The following BLK variants were observed in gnomAD, a reference collection of about 807,000 sequenced individuals.
The protein encoded by BLK is BLK proto-oncogene, Src family tyrosine kinase.
A neutral mutation model predicts 61.8 loss-of-function variants in BLK; 64 were observed. That is an observed-to-expected ratio of 1.03 (90% CI 0.85 to 1.27). The LOEUF (loss-of-function observed/expected upper bound fraction) is 1.27. Among genes scored for constraint, BLK ranks in the 50% most tolerant of loss-of-function variants. The pLI is 0.00. For missense variants in BLK, 853 were observed against 660.5 expected, an observed-to-expected ratio of 1.29 and a Z score of -3.19; for synonymous variants, 351 against 272.0, an observed-to-expected ratio of 1.29 and a Z score of -2.86.
chr8:11,544,052 T>G (rs1171504610), intron 2 of BLK, among the ~76,000 whole-genome samples: 1 of 151,654 alleles, frequency 6.6e-6, no homozygotes, highest in Non-Finnish European at 1.5e-5. Context: ...AACCTCTGCC[T>G]CCTGGATTCA....
intron 1 of BLK, among the ~76,000 whole-genome samples, chr8:11,506,888 G>A (rs77509145): frequency 0.022 from 3,392 of 152,300 alleles, 125 homozygotes; most frequent in African/African-American, 0.078. Flanking sequence ...GACTCAACAA[G>A]ATCTCTCAGT....
chr8:11,525,679 G>T (rs958024586), intron 1 of BLK, among the ~76,000 whole-genome samples: 2 of 152,176 alleles, frequency 1.3e-5, no homozygotes, highest in South Asian at 2.1e-4. Flanking sequence ...AAACTCAAAA[G>T]TTCGCCTTCC....
chr8:11,556,593 T>C, intron 8 of BLK, 65 bp from the exon 9 acceptor site: 1 of 1,606,636 alleles, frequency 6.2e-7, no homozygotes, highest in Admixed American at 1.7e-5. Context: ...CCGATTTTGG[T>C]TAAGGGATCA....
chr8:11,564,041 A>G lies in BLK; in HGVS notation c.1451A>G (p.Glu484Gly). The change falls in exon 13 of 13, where the codon GAG (glutamate) becomes GGG (glycine). Residue 484 changes from glutamate (E) to glycine (G), a missense_variant. Transcript: ENST00000259089. The stretch of plus-strand genomic sequence containing the variant: ...CGGCCCGAGGAGCGGCCCACCTTCG[A>G]GTTCCTGCAGTCGGTGCTGGAGGAC... ...RSRPEERPTF[E>G]FLQSVLEDFY... 6.2e-7 allele frequency: 1 copy of G among 1,603,724 alleles called. No individual in the cohort carries two copies.
intron 1 of BLK, among the ~76,000 whole-genome samples, chr8:11,538,814 C>A (rs147424573): frequency 6.6e-6 from 1 of 152,210 alleles, no homozygotes; most frequent in Non-Finnish European, 1.5e-5. Flanking sequence ...GGCCACTTAA[C>A]GGTCATTGTC....
intron 1 of BLK, among the ~76,000 whole-genome samples, chr8:11,504,978 A>G (rs1462110810): frequency 1.3e-5 from 2 of 152,232 alleles, no homozygotes; most frequent in Non-Finnish European, 2.9e-5. Context: ...ACATACATGC[A>G]CACAGACACA....
At chr8:11,525,254 C>T (rs1214679370) in intron 1 of BLK, among the ~76,000 whole-genome samples, 2 of 152,188 alleles carry the variant, frequency 1.3e-5, no homozygotes, top group Non-Finnish European at 2.9e-5. Context: ...GGTATTTAGA[C>T]AACATGAGTT....
intron 1 of BLK, among the ~76,000 whole-genome samples, chr8:11,532,997 G>A (rs758674979): frequency 6.6e-6 from 1 of 152,218 alleles, no homozygotes; most frequent in Non-Finnish European, 1.5e-5. Flanking sequence ...GAAGGTATAT[G>A]TCTGCTGTCA....
chr8:11,531,605 C>T (rs530385251), intron 1 of BLK, among the ~76,000 whole-genome samples: 6 of 152,220 alleles, frequency 3.9e-5, no homozygotes, highest in South Asian at 4.2e-4. Context: ...CTTGAGTCTT[C>T]GGGTCTATAG....
chr8:11,527,300 T>C (rs147589170), intron 1 of BLK, among the ~76,000 whole-genome samples: 1 of 152,332 alleles, frequency 6.6e-6, no homozygotes, highest in East Asian at 1.9e-4. Context: ...GGCACAATTA[T>C]GCATTTTTGC....
At chr8:11,530,248 C>G (rs563664421) in intron 1 of BLK, among the ~76,000 whole-genome samples, 69 of 152,122 alleles carry the variant, frequency 4.5e-4, no homozygotes, top group Non-Finnish European at 8.4e-4. Context: ...TTTGTGCCTG[C>G]AGATACTTGT....
chr8:11,562,717 C>G (rs749548468), intron 11 of BLK, among the ~76,000 whole-genome samples: 1 of 152,248 alleles, frequency 6.6e-6, no homozygotes, highest in Non-Finnish European at 1.5e-5. Context: ...CCATCGCTCT[C>G]TTTTTAAAGA....
At chr8:11,524,832 C>T (rs940833618) in intron 1 of BLK, among the ~76,000 whole-genome samples, 2 of 149,938 alleles carry the variant, frequency 1.3e-5, no homozygotes, top group Non-Finnish European at 2.9e-5. Flanking sequence ...AAACAGGGAA[C>T]GACAGGAAAA....
At chr8:11,538,179 T>C (rs900882735) in intron 1 of BLK, among the ~76,000 whole-genome samples, 2 of 152,160 alleles carry the variant, frequency 1.3e-5, no homozygotes, top group African/African-American at 2.4e-5. Flanking sequence ...TAAGTGTGTA[T>C]GCTTCCTCTC....
chr8:11,508,795 C>T (rs1007581426), intron 1 of BLK, among the ~76,000 whole-genome samples: 7 of 152,204 alleles, frequency 4.6e-5, no homozygotes, highest in Non-Finnish European at 7.3e-5. Context: ...TGATGGGGGC[C>T]GGTCCTGCCC....
chr8:11,520,814 C>T (rs1397462125), intron 1 of BLK, among the ~76,000 whole-genome samples: 1 of 152,076 alleles, frequency 6.6e-6, no homozygotes, highest in Non-Finnish European at 1.5e-5. Flanking sequence ...AATTGAAAAG[C>T]TATTAGAGCT....
At chr8:11,547,984 C>T in intron 3 of BLK, 48 bp from the exon 4 acceptor site, 1 of 1,538,584 alleles carries the variant, frequency 6.5e-7, no homozygotes, top group Non-Finnish European at 9.0e-7. Flanking sequence ...GCCCCACCTT[C>T]CCGCTTGTGG....
At position 11,534,404 on chromosome 8, in the gene BLK, C is replaced by T. The variant is rs531339394; in HGVS notation, c.-1-8820C>T. On this transcript the variant is annotated intron_variant, in intron 1 of 12. Coordinates refer to ENST00000259089, the MANE Select transcript of BLK (RefSeq NM_001715.3). The stretch of plus-strand genomic sequence containing the variant: ...AAACATAAATTTACATGGTGTTCCC[C>T]CCCCAAAAAAATTCACTCACATAAA... Among the ~76,000 whole-genome samples, 8 of 152,156 alleles carry T rather than the reference C, an allele frequency of 5.3e-5. No homozygotes were observed. In the South Asian group the frequency reaches 1.7e-3, roughly 32 times the overall value.
Position 11,559,571 on chromosome 8 carries a change from G to T in BLK, c.1029+1533G>T, listed in dbSNP as rs1801392205. 2.0e-5 allele frequency among the ~76,000 whole-genome samples: 3 copies of T among 151,944 alleles called. No individual in the cohort carries two copies. In the East Asian group the frequency reaches 5.8e-4, roughly 29 times the overall value. ...CACACACATGAGCAGACACACACCC[G>T]GCCCTTCTGGGCTCTTCTTTTCTTA... On this transcript the variant is annotated intron_variant, in intron 10 of 12. Transcript: ENST00000259089.
Sources: gnomAD v4.1 joint callset for allele counts (sites outside exome capture counted in the v4.1 genomes callset) on GRCh38, gnomAD v4.1.1 for gene constraint, MANE v1.5 for transcripts, NCBI Gene and HGNC (gene_info 2026-07-23, HGNC 2026-07-21) for gene names.